The following C9orf50 variants were observed in gnomAD, a reference collection of about 807,000 sequenced individuals.
C9orf50 encodes uncharacterized protein C9orf50.
In C9orf50, 33 loss-of-function variants were observed where a neutral mutation model predicts 42.5. That is an observed-to-expected ratio of 0.78 (90% CI 0.59 to 1.04). The LOEUF (loss-of-function observed/expected upper bound fraction) is 1.04, where lower values mean the gene tolerates loss of function less well. C9orf50 is among the 50% of genes least tolerant of loss of function. C9orf50 has a pLI of 0.00. For missense variants in C9orf50, 547 were observed against 594.3 expected, an observed-to-expected ratio of 0.92 and a Z score of 0.83; for synonymous variants, 257 against 273.4, an observed-to-expected ratio of 0.94 and a Z score of 0.59.
At chr9:129,615,116 C>T (rs1409872695) in intron 4 of C9orf50, among the ~76,000 whole-genome samples, 3 of 152,222 alleles carry the variant, frequency 2.0e-5, no homozygotes, top group African/African-American at 7.2e-5. Flanking sequence ...CTTCCAATGG[C>T]ATCTGGACCT....
At position 129,613,565 on chromosome 9, in the gene C9orf50, C is replaced by T. The variant is rs756511872; in HGVS notation, c.913G>A (p.Ala305Thr). The change falls in exon 5 of 7, where the codon GCC (alanine) becomes ACC (threonine). Residue 305 changes from alanine to threonine, a missense_variant. By Grantham distance (58) the Ala-to-Thr change is moderately conservative. Coordinates refer to ENST00000372478, the Ensembl canonical transcript of C9orf50. This position sits in a 1 kb window ranked among gnomAD's most constrained non-coding sequence, Gnocchi z 6.2. ...ACCCGCTCGGACGCCACTGGCAGGG[C>T]GGCCTTCTGGTTCACAATGACGCTC... 1.7e-5 allele frequency: 28 copies of T among 1,614,148 alleles called. No homozygotes were observed. In the South Asian group the frequency reaches 2.5e-4, roughly 15 times the overall value.
exon 4 of C9orf50, chr9:129,615,485 T>C: frequency 6.3e-7 from 1 of 1,589,402 alleles, no homozygotes; most frequent in South Asian, 1.1e-5. Flanking sequence ...TCTGCTTACC[T>C]GAGCGTCTGC....
In C9orf50 at chr9:129,620,656, G is replaced by C; in HGVS notation, c.-82C>G. The C allele has an allele frequency of 8.3e-7, 1 of 1,204,926 alleles. No individual in the cohort carries two copies. The highest frequency in any genetic ancestry group is 1.0e-6 in the Non-Finnish European group (1 of 957,902). 74.6% of individuals were successfully genotyped at this position (1,204,926 alleles called of 1,614,324 possible). A position where few individuals can be genotyped will look rare whatever the true frequency, so the allele number is the denominator to read the frequency against. On this transcript the variant is annotated 5_prime_UTR_variant, in exon 1 of 7. Coordinates refer to ENST00000372478, the Ensembl canonical transcript of C9orf50. This position sits in a 1 kb window ranked among gnomAD's most constrained non-coding sequence, Gnocchi z 5.8. ...GCTGAGGTGGGGAGGGCATAGTCCA[G>C]CCCCAGGCCATAGTGCCCCGGGCGG...
chr9:129,617,048 G>A (rs977718931), intron 3 of C9orf50, among the ~76,000 whole-genome samples: 5 of 151,788 alleles, frequency 3.3e-5, no homozygotes, highest in African/African-American at 1.2e-4. Context: ...GCCTAGGGAC[G>A]GAGTGAGACT....
At chr9:129,619,359 G>T (rs1178537990) in intron 3 of C9orf50, among the ~76,000 whole-genome samples, 161 bp downstream of exon 3, 1 of 152,152 alleles carries the variant, frequency 6.6e-6, no homozygotes, top group African/African-American at 2.4e-5. Context: ...AATCTTGAAT[G>T]GGTTGGTAGA....
intron 3 of C9orf50, among the ~76,000 whole-genome samples, 171 bp from the exon 4 acceptor site, chr9:129,615,818 G>A (rs1473234736): frequency 2.6e-5 from 4 of 152,212 alleles, no homozygotes; most frequent in African/African-American, 9.6e-5. Context: ...CTACCTGCCA[G>A]GCAGGCTCAA....
At position 129,613,819 on chromosome 9, in the gene C9orf50, C is replaced by T. The variant is rs908015379; in HGVS notation, c.881-222G>A. Among the ~76,000 whole-genome samples, 2 of 152,240 alleles carry T rather than the reference C, an allele frequency of 1.3e-5. No homozygotes were observed. Among genetic ancestry groups the T allele is most frequent in the Non-Finnish European group, 2.9e-5 (2 of 68,046 alleles). ...CCCAAGCTGTGCCCCTGCGCACCCC[C>T]ACTCACGCTGCAGCCGGAAGCGTGC... On this transcript the variant is annotated intron_variant, in intron 4 of 6. Transcript: ENST00000372478. The surrounding 1 kb of genome is among the most constrained non-coding windows in gnomAD (Gnocchi z 6.2).
intron 6 of C9orf50, among the ~76,000 whole-genome samples, 171 bp downstream of exon 6, chr9:129,612,936 G>A (rs796278260): frequency 3.9e-5 from 6 of 152,292 alleles, no homozygotes; most frequent in African/African-American, 1.4e-4. Context: ...TGCCCTTTGA[G>A]GGAGATGCAG....
chr9:129,615,587 C>A (rs1423040990), exon 4 of C9orf50: 4 of 1,606,298 alleles, frequency 2.5e-6, no homozygotes, highest in Non-Finnish European at 3.4e-6. Context: ...TAGAGCCTTC[C>A]CCCGAGGGGT....
At chr9:129,612,605 C>T (rs192596505) in intron 6 of C9orf50, 151 bp from the exon 7 acceptor site, 8 of 648,558 alleles carry the variant, frequency 1.2e-5, no homozygotes, top group African/African-American at 5.4e-5. Context: ...AGGTCAAGCA[C>T]GGTGGCTCTC....
Position 129,613,326 on chromosome 9 carries a change from G to A in C9orf50, c.1044-75C>T, listed in dbSNP as rs1830177765. The A allele has an allele frequency of 2.1e-5, 33 of 1,565,158 alleles. No homozygotes were observed. The highest frequency in any genetic ancestry group is 2.9e-5 in the Non-Finnish European group (33 of 1,154,662). On this transcript the variant is annotated intron_variant, in intron 5 of 6. Coordinates refer to ENST00000372478, the Ensembl canonical transcript of C9orf50. The surrounding 1 kb of genome is among the most constrained non-coding windows in gnomAD (Gnocchi z 6.2). ...CACCCATGGCTGGCAGGGCCCTTGAGGACCCACACTGGCAACCCGCCTGCT... is the reference window on the plus strand; with the variant it reads ...CACCCATGGCTGGCAGGGCCCTTGAAGACCCACACTGGCAACCCGCCTGCT...
At chr9:129,619,232 T>C (rs530996896) in intron 3 of C9orf50, among the ~76,000 whole-genome samples, 16 of 152,058 alleles carry the variant, frequency 1.1e-4, no homozygotes, top group Non-Finnish European at 2.2e-4. Flanking sequence ...ATGAGATGGA[T>C]GCAAAGATGG....
Position 129,613,681 on chromosome 9 carries a change from A to G in C9orf50, c.881-84T>C, listed in dbSNP as rs1451276051. ...CCCTCTTTTCCTCCCTCTGGCAGGC[A>G]GGGCCGGTCAGAGCCCTGTCTCCAT... On this transcript the variant is annotated intron_variant, in intron 4 of 6. Coordinates refer to ENST00000372478, the Ensembl canonical transcript of C9orf50. This position sits in a 1 kb window ranked among gnomAD's most constrained non-coding sequence, Gnocchi z 6.2. 245 of 1,548,142 alleles carry G rather than the reference A, an allele frequency of 1.6e-4. No individual in the cohort carries two copies. The East Asian group carries it at 5.4e-3, about 34-fold the overall frequency.
chr9:129,621,366 G>A (rs111867021), upstream of C9orf50, among the ~76,000 whole-genome samples: 817 of 152,226 alleles, frequency 5.4e-3, 10 homozygotes, highest in African/African-American at 0.019. Flanking sequence ...TTAAAGAGAT[G>A]GGGTCTTGCT....
In C9orf50 at chr9:129,620,202, C is replaced by T. The variant is rs1401189463; in HGVS notation, c.373G>A (p.Glu125Lys). Residue 125 changes from glutamate to lysine, a missense_variant, in exon 1 of 7, where the codon GAG becomes AAG. Glu to Lys is a moderately conservative substitution (Grantham distance 56). Coordinates refer to ENST00000372478, the Ensembl canonical transcript of C9orf50. The surrounding 1 kb of genome is among the most constrained non-coding windows in gnomAD (Gnocchi z 5.8). ...CTGGCCACGCGCCTCCGGGGGCGCT[C>T]GCGCTCTCCAGGCCCTGGCTGCCTG... is the stretch of plus-strand genomic sequence containing the variant. 4.8e-6 allele frequency: 7 copies of T among 1,444,620 alleles called. No homozygotes were observed. The highest frequency in any genetic ancestry group is 2.9e-5 in the African/African-American group (2 of 69,224). 89.5% of individuals were successfully genotyped at this position (1,444,620 alleles called of 1,614,324 possible).
exon 3 of C9orf50, chr9:129,619,540 G>A (rs762025765): frequency 1.2e-5 from 20 of 1,613,812 alleles, no homozygotes; most frequent in Non-Finnish European, 1.6e-5. Flanking sequence ...TTCTGACAGT[G>A]GTGAATTGTG....
At position 129,620,440 on chromosome 9, in the gene C9orf50, G is replaced by T. The variant is rs372378735; in HGVS notation, c.135C>A (p.Gly45=). 1,806 of 1,294,646 alleles carry T rather than the reference G, an allele frequency of 1.4e-3. 27 individuals are homozygous for T. The African/African-American group carries it at 0.025, about 18-fold the overall frequency. 80.2% of individuals were successfully genotyped at this position (1,294,646 alleles called of 1,614,324 possible). A position where few individuals can be genotyped will look rare whatever the true frequency, so the allele number is the denominator to read the frequency against. ...TCCTCCAGTCCCCGGAGCCCCGCGC[G>T]CCCAGAGCCGCTCGGAGCGCGGGCG... The change falls in exon 1 of 7, where the codon GGC becomes GGA. Residue 45 remains glycine, a synonymous_variant. Transcript: ENST00000372478. The surrounding 1 kb of genome is among the most constrained non-coding windows in gnomAD (Gnocchi z 5.8).
chr9:129,615,396 C>T lies in C9orf50; in HGVS notation c.880+88G>A, dbSNP rs562595067. 62 of 1,383,626 alleles carry T rather than the reference C, an allele frequency of 4.5e-5. 1 individual carries two copies. In the South Asian group the frequency reaches 8.8e-4, roughly 20 times the overall value. The allele number at this position is 1,383,626 out of a possible 1,614,324, so 85.7% of individuals were successfully genotyped here. On this transcript the variant is annotated intron_variant, in intron 4 of 6. Transcript: ENST00000372478. ...CTCTTGGCCTTTGCAAAGCCAGTCC[C>T]TCACTCTAGGGGCCCGGAGCTACAG... is the stretch of plus-strand genomic sequence containing the variant.
chr9:129,615,901 TGAG>T (rs1414852623), intron 3 of C9orf50, among the ~76,000 whole-genome samples: 1 of 152,190 alleles, frequency 6.6e-6, no homozygotes, highest in Non-Finnish European at 1.5e-5. Context: ...ATTTTATAGT[TGAG>T]GAAACAGAGG....
Sources: gnomAD v4.1 joint callset for allele counts (sites outside exome capture counted in the v4.1 genomes callset) on GRCh38, gnomAD v4.1.1 for gene constraint, Gnocchi (gnomAD v3.1) non-coding constraint, MANE v1.5 for transcripts, NCBI Gene and HGNC (gene_info 2026-07-23, HGNC 2026-07-21) for gene names.